Variants in ATP8A2 observed in about 807,000 individuals in gnomAD.
The protein encoded by ATP8A2 is ATPase phospholipid transporting 8A2.
A neutral mutation model predicts 165.6 loss-of-function variants in ATP8A2; 100 were observed. The ratio of observed to expected loss-of-function variants is 0.60; its 90% CI spans 0.51 to 0.71. The LOEUF is 0.71. Among genes scored for constraint, ATP8A2 ranks in the 30% least tolerant of loss-of-function variants. The pLI, the probability that ATP8A2 is intolerant of heterozygous loss-of-function variation, is 0.00. For synonymous variants in ATP8A2, 543 were observed against 548.8 expected, an observed-to-expected ratio of 0.99 and a Z score of 0.15; for missense variants, 1,227 against 1,479.5, an observed-to-expected ratio of 0.83 and a Z score of 2.80.
chr13:25,492,013 TA>T (rs1388870403), intron 2 of ATP8A2, among the ~76,000 whole-genome samples: 1 of 152,236 alleles, frequency 6.6e-6, no homozygotes, highest in African/African-American at 2.4e-5. Context: ...TTTTGGACGA[TA>T]AAAATTTTTA....
intron 15 of ATP8A2, among the ~76,000 whole-genome samples, chr13:25,561,042 A>G (rs2039135361): frequency 6.6e-6 from 1 of 151,540 alleles, no homozygotes; most frequent in African/African-American, 2.4e-5. Context: ...GCCCACCACC[A>G]CACCCAGCTA....
chr13:25,585,189 C>G (rs549893428), intron 23 of ATP8A2, among the ~76,000 whole-genome samples: 3 of 152,150 alleles, frequency 2.0e-5, no homozygotes, highest in Non-Finnish European at 4.4e-5. Context: ...TCCTGCAACA[C>G]TGTGCTTGAA....
At chr13:25,425,077 T>C (rs1176736235) in intron 1 of ATP8A2, among the ~76,000 whole-genome samples, 3 of 152,320 alleles carry the variant, frequency 2.0e-5, no homozygotes, top group Non-Finnish European at 4.4e-5. Flanking sequence ...TTCTAGCTAC[T>C]AGTGGTTTTT....
intron 2 of ATP8A2, among the ~76,000 whole-genome samples, chr13:25,526,654 CAG>C (rs917652155): frequency 1.3e-5 from 2 of 152,182 alleles, no homozygotes; most frequent in African/African-American, 4.8e-5. Context: ...GGTTTGTGCT[CAG>C]GGGACCTGTG....
At chr13:25,650,829 C>T (rs1414594933) in intron 24 of ATP8A2, among the ~76,000 whole-genome samples, 2 of 152,096 alleles carry the variant, frequency 1.3e-5, no homozygotes, top group African/African-American at 4.8e-5. Flanking sequence ...TCTAGCTTTC[C>T]TAGAAATAGC....
chr13:25,640,762 G>A (rs1001168766), intron 24 of ATP8A2, among the ~76,000 whole-genome samples: 1 of 152,164 alleles, frequency 6.6e-6, no homozygotes, highest in African/African-American at 2.4e-5. Flanking sequence ...TATGAGGCCA[G>A]CATCATCCTG....
Position 25,853,249 on chromosome 13 carries a change from G to C in ATP8A2, c.2957-6946G>C, listed in dbSNP as rs150907778. Among the ~76,000 whole-genome samples the C allele has an allele frequency of 3.9e-3, 590 of 151,696 alleles. 5 individuals carry two copies. The highest frequency in any genetic ancestry group is 0.013 in the African/African-American group (553 of 41,338). On this transcript the variant is annotated intron_variant, in intron 30 of 36. Coordinates refer to ENST00000381655, the MANE Select transcript of ATP8A2 (RefSeq NM_016529.6). ...TCTAAAAATACCTCAAAAATTAACC[G>C]GGTATAGTGATGCACACCTGTAGTC... is the stretch of plus-strand genomic sequence containing the variant.
intron 24 of ATP8A2, among the ~76,000 whole-genome samples, chr13:25,643,287 G>C (rs545635654): frequency 6.6e-6 from 1 of 152,220 alleles, no homozygotes; most frequent in South Asian, 2.1e-4. Flanking sequence ...TACAGGTATA[G>C]TTCCTCTTCA....
chr13:25,536,609 G>A (rs919752710), intron 6 of ATP8A2, among the ~76,000 whole-genome samples: 2 of 152,130 alleles, frequency 1.3e-5, no homozygotes, highest in African/African-American at 4.8e-5. Context: ...CTGCTAGCTT[G>A]TAAGATCTGG....
intron 27 of ATP8A2, among the ~76,000 whole-genome samples, chr13:25,795,609 C>G (rs1377361341): frequency 1.3e-5 from 2 of 152,160 alleles, no homozygotes; most frequent in Non-Finnish European, 2.9e-5. Context: ...TTTTTTCCCC[C>G]TCTTTGGGTT....
chr13:25,602,669 A>T (rs2040417874), intron 24 of ATP8A2, among the ~76,000 whole-genome samples: 1 of 152,202 alleles, frequency 6.6e-6, no homozygotes, highest in Non-Finnish European at 1.5e-5. Context: ...GGAGCCAGAG[A>T]GACAGCATGA....
chr13:25,750,031 A>C lies in ATP8A2; in HGVS notation c.2385-19015A>C, dbSNP rs1288722869. Among the ~76,000 whole-genome samples, 1 of 152,226 alleles carries C rather than the reference A, an allele frequency of 6.6e-6. No homozygotes were observed. Among genetic ancestry groups the C allele is most frequent in the African/African-American group, 2.4e-5 (1 of 41,462 alleles). ...ACAAAACAAAACAAAAAAACGAAGA[A>C]GAAGAATTATTTGCATGTATGTGAG... On this transcript the variant is annotated intron_variant, in intron 25 of 36. Transcript: ENST00000381655. This position sits in a 1 kb window ranked among gnomAD's most constrained non-coding sequence, Gnocchi z 4.3.
At chr13:25,531,431 GA>G (rs1268860540) in intron 4 of ATP8A2, among the ~76,000 whole-genome samples, 1 of 37,006 alleles carries the variant, frequency 2.7e-5, no homozygotes, top group Non-Finnish European at 6.6e-5. Flanking sequence ...ATATATATAT[GA>G]TTATATATAT....
At chr13:25,707,615 G>A (rs1343257963) in intron 25 of ATP8A2, among the ~76,000 whole-genome samples, 1 of 152,240 alleles carries the variant, frequency 6.6e-6, no homozygotes, top group Non-Finnish European at 1.5e-5. Context: ...GTGAATAGAC[G>A]TGGATAACAT....
intron 28 of ATP8A2, among the ~76,000 whole-genome samples, chr13:25,832,386 T>C (rs1297487533): frequency 6.6e-6 from 1 of 152,212 alleles, no homozygotes; most frequent in Non-Finnish European, 1.5e-5. Context: ...TGAATCCTGT[T>C]GTCAAGCCAG....
chr13:25,611,509 T>C (rs1437215918), intron 24 of ATP8A2, among the ~76,000 whole-genome samples: 3 of 152,152 alleles, frequency 2.0e-5, no homozygotes, highest in African/African-American at 7.2e-5. Flanking sequence ...TTGATCAAGG[T>C]GTGTTAACTT....
At chr13:25,605,989 C>T (rs75046344) in intron 24 of ATP8A2, among the ~76,000 whole-genome samples, 37 of 152,250 alleles carry the variant, frequency 2.4e-4, no homozygotes, top group African/African-American at 7.7e-4. Flanking sequence ...TTCTTGCCCT[C>T]CAAGTAAATT....
At chr13:25,958,272 A>C (rs1955575717) in intron 33 of ATP8A2, among the ~76,000 whole-genome samples, 1 of 151,518 alleles carries the variant, frequency 6.6e-6, no homozygotes. Context: ...TATGTTCTGC[A>C]CATGTATCCC....
intron 2 of ATP8A2, among the ~76,000 whole-genome samples, chr13:25,505,203 G>GGA (rs1271601183): frequency 2.9e-5 from 3 of 104,130 alleles, no homozygotes; most frequent in African/African-American, 8.2e-5. Flanking sequence ...TCGGCGGGGC[G>GGA]GGGGGGGGTG....
Sources: gnomAD v4.1 joint callset for allele counts (sites outside exome capture counted in the v4.1 genomes callset) on GRCh38, gnomAD v4.1.1 for gene constraint, Gnocchi (gnomAD v3.1) non-coding constraint, MANE v1.5 for transcripts, NCBI Gene and HGNC (gene_info 2026-07-23, HGNC 2026-07-21) for gene names.